AGMO: variants seen among roughly 807,000 people sequenced by gnomAD.
AGMO encodes the protein alkylglycerol monooxygenase.
AGMO carries 75 observed loss-of-function variants against 60.2 expected under a neutral mutation model. That is an observed-to-expected ratio of 1.25 (90% confidence interval 1.03 to 1.51). The LOEUF (loss-of-function observed/expected upper bound fraction) is 1.51. AGMO is among the 40% of genes most tolerant of loss of function. The pLI is 0.00. For missense variants in AGMO, 763 were observed against 525.5 expected, an observed-to-expected ratio of 1.45 and a Z score of -4.42; for synonymous variants, 261 against 177.1, an observed-to-expected ratio of 1.47 and a Z score of -3.76.
chr7:15,536,261 C>T (rs985030912), intron 3 of AGMO, among the ~76,000 whole-genome samples: 6 of 151,844 alleles, frequency 4.0e-5, no homozygotes, highest in African/African-American at 1.4e-4. Flanking sequence ...TAATAAGTGT[C>T]AGTACAAAGA....
At chr7:15,327,550 C>T (rs557692635) in intron 12 of AGMO, among the ~76,000 whole-genome samples, 87 of 151,948 alleles carry the variant, frequency 5.7e-4, no homozygotes, top group Non-Finnish European at 9.9e-4. Context: ...TATTAGACAA[C>T]TGAGAAATTT....
At chr7:15,499,945 A>ATATAAT (rs1215656377) in intron 3 of AGMO, among the ~76,000 whole-genome samples, 3 of 135,282 alleles carry the variant, frequency 2.2e-5, no homozygotes, top group Non-Finnish European at 3.3e-5. Context: ...ATATATATAT[A>ATATAAT]ATATATATAT....
At chr7:15,313,428 T>C (rs920683690) in intron 12 of AGMO, among the ~76,000 whole-genome samples, 1 of 152,212 alleles carries the variant, frequency 6.6e-6, no homozygotes, top group African/African-American at 2.4e-5. Context: ...CTTTGGCCCA[T>C]ATTCAGTCTT....
At chr7:15,466,160 A>C (rs1210430960) in intron 3 of AGMO, among the ~76,000 whole-genome samples, 1 of 152,188 alleles carries the variant, frequency 6.6e-6, no homozygotes, top group Non-Finnish European at 1.5e-5. Flanking sequence ...CAGTGATGGC[A>C]GTGATAATAG....
In AGMO at chr7:15,382,347, G is replaced by GA. The variant is rs369770537; in HGVS notation, c.1074+3098dup. Among the ~76,000 whole-genome samples, 676 of 152,194 alleles carry GA rather than the reference G, an allele frequency of 4.4e-3. 4 individuals are homozygous for GA. Among genetic ancestry groups the GA allele is most frequent in the African/African-American group, 0.016 (647 of 41,530 alleles). On this transcript the variant is annotated intron_variant, in intron 10 of 12. Transcript: ENST00000342526. ...CTGATTTTGTCCAGGTATATACGAG[G>GA]AATGTGCTCGGGGGAAGTGAGTACC...
intron 12 of AGMO, among the ~76,000 whole-genome samples, chr7:15,216,833 A>AGC (rs1554396206): frequency 6.8e-5 from 10 of 147,024 alleles, no homozygotes; most frequent in African/African-American, 2.5e-4. Context: ...TGAAAGAAAA[A>AGC]GTGTGTGTGT....
chr7:15,499,964 A>G (rs1385406525), intron 3 of AGMO, among the ~76,000 whole-genome samples: 1 of 149,688 alleles, frequency 6.7e-6, no homozygotes, highest in East Asian at 2.0e-4. Context: ...ATTTTTCCAG[A>G]AAAAAGCAAT....
intron 3 of AGMO, among the ~76,000 whole-genome samples, chr7:15,453,459 T>C (rs558031295): frequency 1.4e-4 from 21 of 152,216 alleles, no homozygotes; most frequent in African/African-American, 5.1e-4. Flanking sequence ...CAGAACACCG[T>C]ACAAGTCAGG....
At chr7:15,393,772 T>C (rs1250166676) in intron 6 of AGMO, among the ~76,000 whole-genome samples, 2 of 152,218 alleles carry the variant, frequency 1.3e-5, no homozygotes, top group Non-Finnish European at 2.9e-5. Context: ...CCTTCAGCAC[T>C]GGGTCAAGAA....
intron 12 of AGMO, among the ~76,000 whole-genome samples, chr7:15,288,662 G>C (rs1413787000): frequency 6.6e-6 from 1 of 151,278 alleles, no homozygotes; most frequent in African/African-American, 2.4e-5. Context: ...TAAAGATTCT[G>C]ATGCAAATTT....
At chr7:15,554,244 C>A (rs774717481) in intron 2 of AGMO, among the ~76,000 whole-genome samples, 1 of 152,038 alleles carries the variant, frequency 6.6e-6, no homozygotes, top group Non-Finnish European at 1.5e-5. Flanking sequence ...CAGCACATGA[C>A]TCTGCACCCT....
rs560319159 is a variant in AGMO, at chr7:15,242,922, A to T, written c.1264-41563T>A. Among the ~76,000 whole-genome samples the T allele has an allele frequency of 2.6e-5, 4 of 152,222 alleles. No homozygotes were observed. The South Asian group carries it at 8.3e-4, about 32-fold the overall frequency. On this transcript the variant is annotated intron_variant, in intron 12 of 12. Coordinates refer to ENST00000342526, the MANE Select transcript of AGMO (RefSeq NM_001004320.2). Reference sequence around the variant, plus strand: ...ATGAATGCTACTACAATATTTTAGGAAGTTCATTAATCTAAGATGTGGGAC... The same window carrying T: ...ATGAATGCTACTACAATATTTTAGGTAGTTCATTAATCTAAGATGTGGGAC...
intron 12 of AGMO, among the ~76,000 whole-genome samples, chr7:15,251,847 T>TA (rs533010679): frequency 1.6e-3 from 247 of 152,308 alleles, no homozygotes; most frequent in African/African-American, 5.7e-3. Context: ...ATGTTGCCTT[T>TA]AATAATTCCA....
intron 12 of AGMO, among the ~76,000 whole-genome samples, chr7:15,313,385 T>G (rs1780823196): frequency 6.6e-6 from 1 of 152,218 alleles, no homozygotes; most frequent in South Asian, 2.1e-4. Context: ...ATTTTGCTGC[T>G]TAAGTGTTCA....
At chr7:15,479,904 G>A (rs1782705418) in intron 3 of AGMO, among the ~76,000 whole-genome samples, 1 of 152,142 alleles carries the variant, frequency 6.6e-6, no homozygotes, top group African/African-American at 2.4e-5. Context: ...TAGGAAGGAT[G>A]TGCCCGTAGG....
intron 12 of AGMO, chr7:15,358,518 A>G: frequency 2.2e-6 from 1 of 452,880 alleles, no homozygotes. Context: ...TTAGGAGGGT[A>G]AGAATCCCTC....
chr7:15,544,118 G>A lies in AGMO; in HGVS notation c.409+654C>T, dbSNP rs957320141. The stretch of plus-strand genomic sequence containing the variant: ...TATTATTCTAAGTGAATTAACTCAG[G>A]AATGGAAAACCAAACATCATATGTT... On this transcript the variant is annotated intron_variant, in intron 3 of 12. Coordinates refer to ENST00000342526, the MANE Select transcript of AGMO (RefSeq NM_001004320.2). Among the ~76,000 whole-genome samples the A allele has an allele frequency of 5.3e-5, 8 of 151,476 alleles. No homozygotes were observed. In the East Asian group the frequency reaches 1.6e-3, roughly 29 times the overall value.
At chr7:15,352,364 C>G (rs1262985742) in intron 12 of AGMO, among the ~76,000 whole-genome samples, 1 of 152,086 alleles carries the variant, frequency 6.6e-6, no homozygotes, top group East Asian at 1.9e-4. Context: ...CAGCTGTTGG[C>G]TGCCACTATC....
chr7:15,553,739 C>G (rs1397862988), intron 2 of AGMO, among the ~76,000 whole-genome samples: 1 of 150,956 alleles, frequency 6.6e-6, no homozygotes, highest in African/African-American at 2.5e-5. Flanking sequence ...TAAATAATTT[C>G]AAAAACCTGC....
Sources: gnomAD v4.1 joint callset for allele counts (sites outside exome capture counted in the v4.1 genomes callset) on GRCh38, gnomAD v4.1.1 for gene constraint, MANE v1.5 for transcripts, NCBI Gene and HGNC (gene_info 2026-07-23, HGNC 2026-07-21) for gene names.